Variants in KCNIP4 observed in about 807,000 individuals in gnomAD.
KCNIP4 encodes potassium voltage-gated channel interacting protein 4.
A neutral mutation model predicts 34.0 loss-of-function variants in KCNIP4; 12 were observed. That is an observed-to-expected ratio of 0.35 (90% confidence interval 0.23 to 0.57). The LOEUF (loss-of-function observed/expected upper bound fraction) is 0.57, where lower values mean the gene tolerates loss of function less well. Ranked by LOEUF, KCNIP4 falls within the 20% of genes least tolerant of loss-of-function variation. The pLI is 0.83. For synonymous variants in KCNIP4, 124 were observed against 102.2 expected (o/e 1.21, Z -1.29); for missense variants, 238 against 311.7 (o/e 0.76, Z 1.78).
chr4:20,833,103 C>A (rs1280035169), intron 3 of KCNIP4, among the ~76,000 whole-genome samples: 1 of 152,166 alleles, frequency 6.6e-6, no homozygotes, highest in East Asian at 1.9e-4. Flanking sequence ...TTTCCTCTTC[C>A]ACAAAATGAT....
At chr4:21,348,959 G>A (rs955088483) in intron 1 of KCNIP4, among the ~76,000 whole-genome samples, 1 of 152,138 alleles carries the variant, frequency 6.6e-6, no homozygotes, top group South Asian at 2.1e-4. Flanking sequence ...AAATGAAAAA[G>A]ATGCTTCTGC....
chr4:20,820,162 A>G (rs4484298), intron 3 of KCNIP4, among the ~76,000 whole-genome samples: 19,257 of 152,164 alleles, frequency 0.13, 1,459 homozygotes, highest in South Asian at 0.27. Context: ...GGAAGCCTTA[A>G]TCTTACAGAC....
intron 1 of KCNIP4, among the ~76,000 whole-genome samples, chr4:21,690,708 A>C (rs940037127): frequency 3.9e-5 from 6 of 152,182 alleles, no homozygotes; most frequent in Non-Finnish European, 8.8e-5. Context: ...CAGCAATGCA[A>C]AACAGAGTAA....
At chr4:20,776,402 TTTC>T (rs1418893183) in intron 3 of KCNIP4, among the ~76,000 whole-genome samples, 1 of 152,186 alleles carries the variant, frequency 6.6e-6, no homozygotes, top group African/African-American at 2.4e-5. Context: ...CTACTTTCGG[TTTC>T]TTGTTATCTT....
At chr4:21,126,767 C>T (rs1314375451) in intron 1 of KCNIP4, among the ~76,000 whole-genome samples, 1 of 152,104 alleles carries the variant, frequency 6.6e-6, no homozygotes, top group Admixed American at 6.5e-5. Context: ...CAAATGGTTT[C>T]TTTGTAGACA....
chr4:21,101,287 T>G (rs1301296350), intron 1 of KCNIP4, among the ~76,000 whole-genome samples: 1 of 152,192 alleles, frequency 6.6e-6, no homozygotes, highest in African/African-American at 2.4e-5. Context: ...AAATACATGA[T>G]TCCATTCTTT....
At chr4:20,909,506 C>T (rs56956585) in intron 1 of KCNIP4, among the ~76,000 whole-genome samples, 23,178 of 152,096 alleles carry the variant, frequency 0.15, 1,877 homozygotes, top group East Asian at 0.26. Flanking sequence ...GACTATCATC[C>T]CCCAAAGCAC....
chr4:21,896,737 A>G (rs1259119946), intron 1 of KCNIP4, among the ~76,000 whole-genome samples: 1 of 151,934 alleles, frequency 6.6e-6, no homozygotes, highest in Admixed American at 6.6e-5. Context: ...TGGCCAACAT[A>G]GTGAAAACCT....
chr4:21,399,457 C>T (rs1291078954), intron 1 of KCNIP4, among the ~76,000 whole-genome samples: 2 of 152,182 alleles, frequency 1.3e-5, no homozygotes, highest in Non-Finnish European at 2.9e-5. Flanking sequence ...TTCCTAATGA[C>T]ATATTAAATT....
chr4:21,207,669 T>A (rs1450303040), intron 1 of KCNIP4, among the ~76,000 whole-genome samples: 1 of 152,160 alleles, frequency 6.6e-6, no homozygotes, highest in African/African-American at 2.4e-5. Flanking sequence ...ATTTCCAACC[T>A]AATTTCATAT....
chr4:21,117,173 T>C (rs1469220642), intron 1 of KCNIP4, among the ~76,000 whole-genome samples: 1 of 151,986 alleles, frequency 6.6e-6, no homozygotes, highest in Admixed American at 6.6e-5. Context: ...GGATTTAATC[T>C]AGGAGGTCTA....
At chr4:21,746,763 C>T (rs1716809382) in intron 1 of KCNIP4, among the ~76,000 whole-genome samples, 3 of 151,914 alleles carry the variant, frequency 2.0e-5, no homozygotes, top group Admixed American at 6.6e-5. Flanking sequence ...GTTATGCAGA[C>T]ATTAAAACGG....
intron 1 of KCNIP4, among the ~76,000 whole-genome samples, chr4:21,346,757 G>A (rs1717470060): frequency 6.6e-6 from 1 of 152,032 alleles, no homozygotes; most frequent in Non-Finnish European, 1.5e-5. Flanking sequence ...AAGCTCCCAG[G>A]TGATGCTGAT....
At chr4:20,935,322 A>G (rs752296954) in intron 1 of KCNIP4, among the ~76,000 whole-genome samples, 8 of 152,100 alleles carry the variant, frequency 5.3e-5, no homozygotes, top group Admixed American at 4.6e-4. Context: ...TTCAAACTCA[A>G]CATGTCCAAA....
chr4:21,143,865 G>T (rs1752155908), intron 1 of KCNIP4, among the ~76,000 whole-genome samples: 2 of 126,846 alleles, frequency 1.6e-5, no homozygotes, highest in Non-Finnish European at 3.6e-5. Flanking sequence ...ACCATGCCCA[G>T]CTAGTTTTTT....
chr4:20,907,677 T>G (rs946402653), intron 1 of KCNIP4, among the ~76,000 whole-genome samples: 19 of 152,152 alleles, frequency 1.2e-4, no homozygotes, highest in Non-Finnish European at 1.5e-5. Context: ...ATTATTTACT[T>G]TGGTTTTTTG....
intron 1 of KCNIP4, among the ~76,000 whole-genome samples, chr4:21,903,073 T>C (rs1180450415): frequency 6.6e-6 from 1 of 152,184 alleles, no homozygotes; most frequent in African/African-American, 2.4e-5. Context: ...ACTGGTCATT[T>C]ACATCCTACT....
chr4:21,514,867 T>C (rs574591935), intron 1 of KCNIP4, among the ~76,000 whole-genome samples: 1 of 152,346 alleles, frequency 6.6e-6, no homozygotes, highest in Admixed American at 6.5e-5. Flanking sequence ...ATTCATCTTC[T>C]GGGGGAGATG....
intron 1 of KCNIP4, among the ~76,000 whole-genome samples, chr4:21,265,181 T>A (rs1343461050): frequency 6.7e-6 from 1 of 149,634 alleles, no homozygotes; most frequent in East Asian, 2.0e-4. Flanking sequence ...ATGAAAGAAG[T>A]GAGAGGAAAA....
Sources: allele counts gnomAD v4.1 joint callset (sites outside exome capture counted in the v4.1 genomes callset), GRCh38; gene constraint gnomAD v4.1.1; transcripts MANE v1.5; gene names NCBI Gene and HGNC (gene_info 2026-07-23, HGNC 2026-07-21).